PACRG: variants seen among roughly 807,000 people sequenced by gnomAD.
The protein encoded by PACRG is parkin coregulated gene protein.
In PACRG, 29 loss-of-function variants were observed where a neutral mutation model predicts 29.7. The observed-to-expected ratio is 0.98, with a 90% CI of 0.73 to 1.33. The LOEUF is 1.33. Ranked by LOEUF, PACRG falls within the 40% of genes most tolerant of loss-of-function variation. The probability of loss-of-function intolerance (pLI) is 0.00; values close to 1 mark genes in which losing one functional copy is unlikely to be tolerated. For missense variants in PACRG, 279 were observed against 316.2 expected, an observed-to-expected ratio of 0.88 and a Z score of 0.89; for synonymous variants, 116 against 118.7, an observed-to-expected ratio of 0.98 and a Z score of 0.15.
intron 1 of PACRG, 28 bp from the exon 2 acceptor site, chr6:162,814,119 G>A: frequency 6.3e-7 from 1 of 1,590,686 alleles, no homozygotes; most frequent in South Asian, 1.1e-5. Flanking sequence ...CTTAAAACCT[G>A]ATCCCTATTT....
At chr6:163,200,627 C>G (rs1404579501) in intron 4 of PACRG, among the ~76,000 whole-genome samples, 1 of 152,068 alleles carries the variant, frequency 6.6e-6, no homozygotes, top group East Asian at 1.9e-4. Flanking sequence ...GTCTTTTCTC[C>G]AAGGAAGGTC....
chr6:163,190,305 A>G (rs1166301304), intron 4 of PACRG: 1 of 152,208 alleles, frequency 6.6e-6, no homozygotes, highest in South Asian at 2.1e-4. Flanking sequence ...TTACAAGTAC[A>G]TTTGTTCTTC....
chr6:162,802,341 T>C (rs1785946006), intron 1 of PACRG, among the ~76,000 whole-genome samples: 1 of 152,222 alleles, frequency 6.6e-6, no homozygotes, highest in Non-Finnish European at 1.5e-5. Context: ...ATTTAGTTTA[T>C]GTGACCATAG....
chr6:163,041,092 C>T (rs1049901357), intron 2 of PACRG, among the ~76,000 whole-genome samples: 9 of 152,122 alleles, frequency 5.9e-5, no homozygotes, highest in Non-Finnish European at 1.3e-4. Context: ...AATCCCAGCA[C>T]TTTGAGAGGC....
intron 1 of PACRG, among the ~76,000 whole-genome samples, chr6:162,785,751 C>T (rs1390753588): frequency 2.0e-5 from 3 of 152,314 alleles, no homozygotes; most frequent in South Asian, 2.1e-4. Flanking sequence ...TAACAGGAGG[C>T]GGAGCTCAGG....
intron 4 of PACRG, among the ~76,000 whole-genome samples, chr6:163,236,558 G>GA (rs1326056679): frequency 6.7e-6 from 1 of 148,472 alleles, no homozygotes; most frequent in Non-Finnish European, 1.5e-5. Flanking sequence ...AAATATGACT[G>GA]TGTTACACAA....
chr6:162,788,226 T>G, intron 1 of PACRG, among the ~76,000 whole-genome samples: 1 of 152,206 alleles, frequency 6.6e-6, no homozygotes, highest in East Asian at 1.9e-4. Flanking sequence ...CCATAGTTTT[T>G]TCTTTTCCAG....
intron 4 of PACRG, among the ~76,000 whole-genome samples, chr6:163,163,062 G>A (rs74950511): frequency 0.038 from 5,797 of 152,190 alleles, 176 homozygotes; most frequent in African/African-American, 0.083. Context: ...GTGCAACTTC[G>A]CTGCAGGGCA....
At chr6:163,078,014 C>T (rs1029973429) in intron 3 of PACRG, among the ~76,000 whole-genome samples, 3 of 152,288 alleles carry the variant, frequency 2.0e-5, no homozygotes. Context: ...CCGAATCCGC[C>T]GTGCATTAAC....
At chr6:163,187,031 C>T (rs1215587137) in intron 4 of PACRG, among the ~76,000 whole-genome samples, 1 of 152,196 alleles carries the variant, frequency 6.6e-6, no homozygotes, top group South Asian at 2.1e-4. Flanking sequence ...GAGGGAGACA[C>T]CCCCCGTCCT....
At chr6:163,082,192 C>CA (rs1166334583) in intron 3 of PACRG, among the ~76,000 whole-genome samples, 2 of 152,012 alleles carry the variant, frequency 1.3e-5, no homozygotes, top group Non-Finnish European at 2.9e-5. Flanking sequence ...GTATATCTAA[C>CA]AAAATTTGCA....
intron 2 of PACRG, among the ~76,000 whole-genome samples, chr6:163,048,858 A>T (rs542069572): frequency 6.6e-6 from 1 of 152,236 alleles, no homozygotes; most frequent in East Asian, 1.9e-4. Context: ...GACATGTATG[A>T]CATAGACATA....
chr6:163,015,112 A>G (rs1805975247), intron 2 of PACRG, among the ~76,000 whole-genome samples: 1 of 152,082 alleles, frequency 6.6e-6, no homozygotes, highest in Non-Finnish European at 1.5e-5. Flanking sequence ...GAAGTCGTCT[A>G]TTTGTTGCTT....
intron 4 of PACRG, among the ~76,000 whole-genome samples, chr6:163,260,794 G>A (rs117244793): frequency 1.3e-5 from 2 of 152,310 alleles, no homozygotes; most frequent in East Asian, 3.9e-4. Context: ...ACAGAACACT[G>A]CTTCTTCTGG....
rs1783709353 is a variant in PACRG at position 162,777,141 on chromosome 6, T to C, written c.157-37006T>C. On this transcript the variant is annotated intron_variant, in intron 1 of 4. Transcript: ENST00000366888. This position sits in a 1 kb window ranked among gnomAD's most constrained non-coding sequence, Gnocchi z 4.0. The stretch of plus-strand genomic sequence containing the variant: ...TCAACCAACTATTTCTCTGGGTGAA[T>C]GTTCTGTCGCACACTTGCACAAACC... 6.6e-6 allele frequency among the ~76,000 whole-genome samples: 1 copy of C among 152,210 alleles called. No homozygotes were observed. The highest frequency in any genetic ancestry group is 6.5e-5 in the Admixed American group (1 of 15,288).
rs530598276 is a variant in PACRG, at chr6:163,072,745, A to G, written c.463+10424A>G. 3.3e-5 allele frequency among the ~76,000 whole-genome samples: 5 copies of G among 152,316 alleles called. No individual in the cohort carries two copies. In the East Asian group the frequency reaches 9.6e-4, roughly 29 times the overall value. The stretch of plus-strand genomic sequence containing the variant: ...ACCAAAAAACTATTAGACCTAATAA[A>G]CAAATTCGTAAAGTAGCAGGATACG... On this transcript the variant is annotated intron_variant, in intron 3 of 4. Transcript: ENST00000366888.
chr6:162,965,415 C>A (rs1005213581), intron 2 of PACRG, among the ~76,000 whole-genome samples: 7 of 152,170 alleles, frequency 4.6e-5, no homozygotes, highest in Non-Finnish European at 1.0e-4. Context: ...AACGTTAAGG[C>A]ACTGTCAGAT....
At chr6:162,748,212 C>A (rs147367027) in intron 1 of PACRG, among the ~76,000 whole-genome samples, 1 of 152,214 alleles carries the variant, frequency 6.6e-6, no homozygotes, top group African/African-American at 2.4e-5. Context: ...GTATTCAGGG[C>A]CGGGGCTGTG....
chr6:162,846,892 C>T (rs1203166781), intron 2 of PACRG, among the ~76,000 whole-genome samples: 1 of 146,146 alleles, frequency 6.8e-6, no homozygotes. Context: ...ACACTGACCA[C>T]TGTGCTCCCC....
Sources: gnomAD v4.1 joint callset for allele counts (sites outside exome capture counted in the v4.1 genomes callset) on GRCh38, gnomAD v4.1.1 for gene constraint, Gnocchi (gnomAD v3.1) non-coding constraint, MANE v1.5 for transcripts, NCBI Gene and HGNC (gene_info 2026-07-23, HGNC 2026-07-21) for gene names.